OSBPL8: variants seen among roughly 807,000 people sequenced by gnomAD.
OSBPL8 encodes the protein oxysterol binding protein like 8, also known as oxysterol-binding protein-related protein 8.
OSBPL8 carries 59 observed loss-of-function variants against 125.5 expected under a neutral mutation model. The ratio of observed to expected loss-of-function variants is 0.47; its 90% CI spans 0.38 to 0.58. The LOEUF (loss-of-function observed/expected upper bound fraction) is 0.58, where lower values mean the gene tolerates loss of function less well. Among genes scored for constraint, OSBPL8 ranks in the 20% least tolerant of loss-of-function variants. OSBPL8 has a pLI of 0.00. For missense variants in OSBPL8, 758 were observed against 1,047.8 expected, an observed-to-expected ratio of 0.72 and a Z score of 3.82; for synonymous variants, 330 against 338.9, an observed-to-expected ratio of 0.97 and a Z score of 0.29.
intron 1 of OSBPL8, among the ~76,000 whole-genome samples, chr12:76,522,854 T>A (rs991970975): frequency 6.6e-6 from 1 of 152,184 alleles, no homozygotes; most frequent in Non-Finnish European, 1.5e-5. Context: ...TAAATTCCTA[T>A]ATTTATTTAT....
chr12:76,467,447 T>C (rs1324611547), intron 2 of OSBPL8, among the ~76,000 whole-genome samples: 1 of 152,230 alleles, frequency 6.6e-6, no homozygotes, highest in Non-Finnish European at 1.5e-5. Flanking sequence ...TTTCTAGTTC[T>C]AAAATTATGT....
intron 1 of OSBPL8, among the ~76,000 whole-genome samples, chr12:76,555,664 C>T (rs1441313045): frequency 1.3e-5 from 2 of 152,096 alleles, no homozygotes; most frequent in African/African-American, 4.8e-5. Context: ...GGATTATTAT[C>T]CTGATTTTAC....
At chr12:76,543,782 A>G (rs867125052) in intron 1 of OSBPL8, among the ~76,000 whole-genome samples, 3 of 152,192 alleles carry the variant, frequency 2.0e-5, no homozygotes, top group African/African-American at 7.2e-5. Flanking sequence ...ATTATTCACA[A>G]AAAGTTTAAC....
chr12:76,419,711 T>C (rs1272586231), intron 4 of OSBPL8, among the ~76,000 whole-genome samples: 2 of 152,200 alleles, frequency 1.3e-5, no homozygotes, highest in East Asian at 3.8e-4. Flanking sequence ...AAGAATTTCC[T>C]AAAGCTCAAC....
At chr12:76,381,277 T>C (rs1377551753) in intron 15 of OSBPL8, among the ~76,000 whole-genome samples, 1 of 152,196 alleles carries the variant, frequency 6.6e-6, no homozygotes, top group Non-Finnish European at 1.5e-5. Flanking sequence ...GTGTTTTTTC[T>C]TCTTCTATTT....
At chr12:76,470,291 G>C (rs957033077) in intron 2 of OSBPL8, among the ~76,000 whole-genome samples, 2 of 152,168 alleles carry the variant, frequency 1.3e-5, no homozygotes, top group Admixed American at 6.5e-5. Context: ...ATAACCTTGA[G>C]CTTTGACTTC....
In OSBPL8 at chr12:76,378,549, T is replaced by C. The variant is rs2136231294; in HGVS notation, c.1632A>G (p.Gly544=). Residue 544 remains glycine (G), a splice_region_variant and synonymous_variant, in exon 16 of 24, where the codon GGA becomes GGG. Transcript: ENST00000261183. ...CCTCTAATATTGCAGATAATGAGTTTCCTGAAATAAAATGTTGTTTATTAA... is the reference window on the plus strand; with the variant it reads ...CCTCTAATATTGCAGATAATGAGTTCCCTGAAATAAAATGTTGTTTATTAA... ...GSILAKSKFY[G]NSLSAILEGE... is the part of the protein sequence containing the mutation. 1 of 1,573,388 alleles carries C rather than the reference T, an allele frequency of 6.4e-7. No individual in the cohort carries two copies. The highest frequency in any genetic ancestry group is 8.7e-7 in the Non-Finnish European group (1 of 1,153,492).
At chr12:76,394,817 C>G in intron 8 of OSBPL8, 88 bp from the exon 9 acceptor site, 1 of 870,826 alleles carries the variant, frequency 1.1e-6, no homozygotes, top group East Asian at 3.0e-5. Flanking sequence ...CTGTAATAAT[C>G]TAAATCAGGT....
At chr12:76,425,244 T>C (rs984296853) in intron 4 of OSBPL8, among the ~76,000 whole-genome samples, 1 of 152,210 alleles carries the variant, frequency 6.6e-6, no homozygotes, top group Non-Finnish European at 1.5e-5. Flanking sequence ...AAAATTTTAT[T>C]TTCTATGTAC....
intron 1 of OSBPL8, among the ~76,000 whole-genome samples, chr12:76,489,773 T>C (rs1283206416): frequency 6.6e-6 from 1 of 152,236 alleles, no homozygotes; most frequent in East Asian, 1.9e-4. Flanking sequence ...TTAACTTCCA[T>C]GTCTTATTAT....
At chr12:76,397,407 T>C (rs1365867409) in intron 8 of OSBPL8, among the ~76,000 whole-genome samples, 1 of 147,574 alleles carries the variant, frequency 6.8e-6, no homozygotes, top group African/African-American at 2.5e-5. Context: ...TATAATACAA[T>C]GTTACAAAGC....
At chr12:76,361,646 T>C (rs6538949) in intron 21 of OSBPL8, among the ~76,000 whole-genome samples, 93,164 of 152,096 alleles carry the variant, frequency 0.61, 29,173 homozygotes, top group East Asian at 0.91. Context: ...CCACATGACT[T>C]GGGAGGTCTA....
intron 4 of OSBPL8, among the ~76,000 whole-genome samples, chr12:76,425,648 TTGTC>T (rs1408489492): frequency 6.6e-6 from 1 of 152,206 alleles, no homozygotes; most frequent in Non-Finnish European, 1.5e-5. Flanking sequence ...TGACACTGGC[TTGTC>T]TGTCTGACTG....
chr12:76,547,040 A>G (rs551508110), intron 1 of OSBPL8, among the ~76,000 whole-genome samples: 4 of 152,234 alleles, frequency 2.6e-5, no homozygotes, highest in Non-Finnish European at 4.4e-5. Flanking sequence ...AGGATTTTCA[A>G]CTTCAAAGTA....
chr12:76,363,465 A>C (rs748385045), intron 21 of OSBPL8, among the ~76,000 whole-genome samples: 6 of 152,210 alleles, frequency 3.9e-5, no homozygotes, highest in Admixed American at 6.5e-5. Context: ...ATATGCAGAA[A>C]ACTGAAACTG....
intron 21 of OSBPL8, among the ~76,000 whole-genome samples, chr12:76,362,272 T>C (rs578174400): frequency 6.7e-6 from 1 of 149,494 alleles, no homozygotes; most frequent in African/African-American, 2.5e-5. Flanking sequence ...TGAACATCGA[T>C]GCAAAAATCC....
intron 1 of OSBPL8, among the ~76,000 whole-genome samples, chr12:76,520,079 T>C (rs908010850): frequency 6.6e-5 from 10 of 152,196 alleles, no homozygotes; most frequent in African/African-American, 2.2e-4. Flanking sequence ...GACCAGAGAT[T>C]ATAACAACTT....
chr12:76,479,470 C>G (rs190318267), intron 2 of OSBPL8, among the ~76,000 whole-genome samples: 1 of 152,160 alleles, frequency 6.6e-6, no homozygotes, highest in African/African-American at 2.4e-5. Context: ...ACTTTTCTAA[C>G]CCAATTAGAA....
intron 2 of OSBPL8, among the ~76,000 whole-genome samples, chr12:76,467,529 A>G (rs1875604935): frequency 6.6e-6 from 1 of 152,202 alleles, no homozygotes; most frequent in African/African-American, 2.4e-5. Flanking sequence ...CAGCTTCCAC[A>G]CTGATTTGCC....
Sources: allele counts gnomAD v4.1 joint callset (sites outside exome capture counted in the v4.1 genomes callset), GRCh38; gene constraint gnomAD v4.1.1; transcripts MANE v1.5; gene names NCBI Gene and HGNC (gene_info 2026-07-23, HGNC 2026-07-21).